The following LRMDA variants were observed in gnomAD, a reference collection of about 807,000 sequenced individuals.
LRMDA encodes the protein leucine rich melanocyte differentiation associated.
LRMDA carries 18 observed loss-of-function variants against 29.8 expected under a neutral mutation model. That is an observed-to-expected ratio of 0.60 (90% CI 0.42 to 0.90). The LOEUF is 0.90. Among genes scored for constraint, LRMDA ranks in the 40% least tolerant of loss-of-function variants. The pLI, the probability that LRMDA is intolerant of heterozygous loss-of-function variation, is 0.00. For synonymous variants in LRMDA, 125 were observed against 109.4 expected (o/e 1.14, Z -0.89); for missense variants, 273 against 273.9 (o/e 1.00, Z 0.02).
At chr10:76,405,259 G>T (rs1257542647) in intron 6 of LRMDA, among the ~76,000 whole-genome samples, 1 of 152,202 alleles carries the variant, frequency 6.6e-6, no homozygotes, top group African/African-American at 2.4e-5. Context: ...TCTATTTTCT[G>T]TCAGGATTTC....
chr10:76,104,793 C>G (rs538668357), intron 5 of LRMDA, among the ~76,000 whole-genome samples: 39 of 152,204 alleles, frequency 2.6e-4, no homozygotes, highest in African/African-American at 8.9e-4. Flanking sequence ...GCTCACCCCC[C>G]ATATGGAACC....
chr10:76,166,651 G>C (rs1269490455), intron 5 of LRMDA, among the ~76,000 whole-genome samples: 1 of 152,116 alleles, frequency 6.6e-6, no homozygotes, highest in Admixed American at 6.6e-5. Context: ...ACATGATCTT[G>C]TTCTTTTTTA....
chr10:76,113,628 G>A (rs148034570), intron 5 of LRMDA, among the ~76,000 whole-genome samples: 1 of 152,124 alleles, frequency 6.6e-6, no homozygotes, highest in African/African-American at 2.4e-5. Flanking sequence ...ATAGCAGAAA[G>A]GGCAGTGCTT....
chr10:76,180,042 G>T (rs572118609), intron 5 of LRMDA, among the ~76,000 whole-genome samples: 8 of 152,292 alleles, frequency 5.3e-5, no homozygotes, highest in Admixed American at 4.6e-4. Flanking sequence ...CTGTTGTGGA[G>T]CCCAGATAGG....
At chr10:75,745,204 CTG>C (rs1842875313) in intron 2 of LRMDA, among the ~76,000 whole-genome samples, 1 of 152,178 alleles carries the variant, frequency 6.6e-6, no homozygotes, top group African/African-American at 2.4e-5. Flanking sequence ...TGCAATCTAA[CTG>C]TAGATTTTTT....
At chr10:75,514,805 C>T (rs1428039700) in intron 2 of LRMDA, among the ~76,000 whole-genome samples, 2 of 152,014 alleles carry the variant, frequency 1.3e-5, no homozygotes, top group East Asian at 3.9e-4. Flanking sequence ...GAACTGTGAG[C>T]CAAATCAACC....
Position 75,682,984 on chromosome 10 carries a change from C to T in LRMDA, c.131+244490C>T, listed in dbSNP as rs1842042306. 2.0e-5 allele frequency among the ~76,000 whole-genome samples: 3 copies of T among 152,292 alleles called. No individual in the cohort carries two copies. In the South Asian group the frequency reaches 6.2e-4, roughly 32 times the overall value. The stretch of plus-strand genomic sequence containing the variant: ...CAGGGACTTGCCTGACATTTTAAAA[C>T]TTTCATCTGCTTTAATTCACGATGT... On this transcript the variant is annotated intron_variant, in intron 2 of 6. Coordinates refer to ENST00000611255, the MANE Select transcript of LRMDA (RefSeq NM_001305581.2).
intron 5 of LRMDA, among the ~76,000 whole-genome samples, chr10:76,214,001 C>G (rs1227934939): frequency 1.3e-5 from 2 of 152,182 alleles, no homozygotes; most frequent in Non-Finnish European, 2.9e-5. Flanking sequence ...GGATCAGGGC[C>G]TGGATTCCAG....
intron 2 of LRMDA, among the ~76,000 whole-genome samples, chr10:75,736,352 GGGAGGGTGGTTGATTA>G (rs2132204597): frequency 6.6e-6 from 1 of 152,322 alleles, no homozygotes; most frequent in African/African-American, 2.4e-5. Flanking sequence ...AGTATTGATG[GGGAGGGTGGTTGATTA>G]GGACCTTGGG....
intron 6 of LRMDA, among the ~76,000 whole-genome samples, chr10:76,546,834 C>G (rs1035221581): frequency 6.6e-6 from 1 of 152,112 alleles, no homozygotes; most frequent in Non-Finnish European, 1.5e-5. Context: ...CCACAAATAC[C>G]TCTTTCTCCT....
At chr10:75,617,071 A>T (rs1202452338) in intron 2 of LRMDA, among the ~76,000 whole-genome samples, 1 of 152,210 alleles carries the variant, frequency 6.6e-6, no homozygotes, top group Middle Eastern at 3.2e-3. Flanking sequence ...GAAAGTGTGC[A>T]TTTGGGAAAA....
chr10:76,394,251 T>C (rs1841756964), intron 6 of LRMDA, among the ~76,000 whole-genome samples: 1 of 152,202 alleles, frequency 6.6e-6, no homozygotes. Flanking sequence ...CACAAAGGTC[T>C]GGGCTATTGG....
chr10:75,555,936 A>G (rs1373005634), intron 2 of LRMDA, among the ~76,000 whole-genome samples: 1 of 152,188 alleles, frequency 6.6e-6, no homozygotes, highest in Non-Finnish European at 1.5e-5. Flanking sequence ...AATTCACTGG[A>G]TGAGCTTAAT....
chr10:75,802,134 C>T (rs949418411), intron 2 of LRMDA, among the ~76,000 whole-genome samples: 1 of 152,092 alleles, frequency 6.6e-6, no homozygotes, highest in Non-Finnish European at 1.5e-5. Flanking sequence ...CTGGGCAACA[C>T]AGGGAGACCC....
Position 76,082,998 on chromosome 10 carries a change from A to G in LRMDA, c.516+24215A>G, listed in dbSNP as rs144196677. ...TAGATGCCTTGGAGTACTGAGCAAC[A>G]ATTAGAAGCAGGGATTCAGTGGATG... is the stretch of plus-strand genomic sequence containing the variant. On this transcript the variant is annotated intron_variant, in intron 5 of 6. Coordinates refer to ENST00000611255, the MANE Select transcript of LRMDA (RefSeq NM_001305581.2). 9.8e-5 allele frequency among the ~76,000 whole-genome samples: 15 copies of G among 152,308 alleles called. No homozygotes were observed. In the East Asian group the frequency reaches 2.1e-3, roughly 22 times the overall value.
Position 75,687,781 on chromosome 10 carries a change from C to A in LRMDA, c.131+249287C>A, listed in dbSNP as rs199951617. 1.1e-4 allele frequency among the ~76,000 whole-genome samples: 16 copies of A among 152,278 alleles called. No homozygotes were observed. In the East Asian group the frequency reaches 3.1e-3, roughly 29 times the overall value. On this transcript the variant is annotated intron_variant, in intron 2 of 6. Transcript: ENST00000611255. ...TGGCTTCAAAGCATCAGAGGACAGG[C>A]TGATTCTCTTTTTAGGGGGTACTGC...
chr10:76,149,782 G>A (rs1412984794), intron 5 of LRMDA, among the ~76,000 whole-genome samples: 1 of 152,150 alleles, frequency 6.6e-6, no homozygotes, highest in Non-Finnish European at 1.5e-5. Flanking sequence ...CCATTAAAAT[G>A]CAAATGTCCC....
chr10:76,048,049 G>A (rs1443943785), intron 4 of LRMDA, among the ~76,000 whole-genome samples: 1 of 152,130 alleles, frequency 6.6e-6, no homozygotes, highest in African/African-American at 2.4e-5. Flanking sequence ...AATTGTCTGT[G>A]TTCTCATTGT....
intron 2 of LRMDA, among the ~76,000 whole-genome samples, chr10:75,733,454 C>A (rs1338280314): frequency 6.6e-6 from 1 of 152,212 alleles, no homozygotes; most frequent in South Asian, 2.1e-4. Flanking sequence ...AACTGTTCTC[C>A]TTCTGTAAAC....
Sources: allele counts gnomAD v4.1 joint callset (sites outside exome capture counted in the v4.1 genomes callset), GRCh38; gene constraint gnomAD v4.1.1; transcripts MANE v1.5; gene names NCBI Gene and HGNC (gene_info 2026-07-23, HGNC 2026-07-21).